The following HFM1 variants were observed in gnomAD, a reference collection of about 807,000 sequenced individuals.
The protein encoded by HFM1 is helicase for meiosis 1, also known as probable ATP-dependent DNA helicase HFM1.
Under a neutral mutation model 192.1 loss-of-function variants are expected in HFM1, and 169 were observed. The ratio of observed to expected loss-of-function variants is 0.88; its 90% confidence interval spans 0.78 to 1.00. The LOEUF (loss-of-function observed/expected upper bound fraction) is 1.00. Ranked by LOEUF, HFM1 falls within the 50% of genes least tolerant of loss-of-function variation. The pLI is 0.00. For synonymous variants in HFM1, 525 were observed against 537.8 expected (o/e 0.98, Z 0.33); for missense variants, 1,661 against 1,668.0 (o/e 1.00, Z 0.07).
At chr1:91,317,329 G>T (rs997250362) in intron 25 of HFM1, among the ~76,000 whole-genome samples, 1 of 152,132 alleles carries the variant, frequency 6.6e-6, no homozygotes, top group Non-Finnish European at 1.5e-5. Flanking sequence ...CAGGAGAATC[G>T]CTTGAACCCG....
intron 4 of HFM1, among the ~76,000 whole-genome samples, chr1:91,391,529 T>C (rs1349758257): frequency 2.6e-5 from 4 of 152,188 alleles, no homozygotes; most frequent in Non-Finnish European, 4.4e-5. Context: ...TAAATGGTGC[T>C]GGGAAAACTG....
chr1:91,343,545 T>C, intron 19 of HFM1, 35 bp from the exon 20 acceptor site: 2 of 842,990 alleles, frequency 2.4e-6, no homozygotes, highest in Non-Finnish European at 3.7e-6. Context: ...TTAATTTTAG[T>C]AAAATAGGGA....
Position 91,375,745 on chromosome 1 carries a change from A to T in HFM1, c.1396-18T>A, listed in dbSNP as rs904829907. The T allele has an allele frequency of 6.2e-7, 1 of 1,605,372 alleles. No homozygotes were observed. The highest frequency in any genetic ancestry group is 1.3e-5 in the African/African-American group (1 of 74,646). The stretch of plus-strand genomic sequence containing the variant: ...TCTGCAATCTTTGAAACACAAAAAT[A>T]TGTGCATTAAAATTTTCTTCTAGTA... On this transcript the variant is annotated intron_variant, in intron 11 of 38. Coordinates refer to ENST00000370425, the MANE Select transcript of HFM1 (RefSeq NM_001017975.6).
At chr1:91,315,005 C>T (rs186662602) in intron 28 of HFM1, among the ~76,000 whole-genome samples, 2 of 152,240 alleles carry the variant, frequency 1.3e-5, no homozygotes, top group African/African-American at 4.8e-5. Context: ...AGAATCACTG[C>T]CATTCCTGAA....
intron 18 of HFM1, among the ~76,000 whole-genome samples, chr1:91,349,220 G>T (rs546665073): frequency 6.6e-6 from 1 of 152,044 alleles, no homozygotes; most frequent in African/African-American, 2.4e-5. Context: ...CCTGTGAGGT[G>T]GAGATTGCAG....
chr1:91,352,935 A>G lies in HFM1; in HGVS notation c.1831+116T>C, dbSNP rs1657149152. 6.5e-5 allele frequency: 45 copies of G among 689,406 alleles called. No individual in the cohort carries two copies. The South Asian group carries it at 9.1e-4, about 14-fold the overall frequency. The allele number at this position is 689,406 out of a possible 1,614,324, so 42.7% of individuals were successfully genotyped here. On this transcript the variant is annotated intron_variant, in intron 15 of 38. Coordinates refer to ENST00000370425, the MANE Select transcript of HFM1 (RefSeq NM_001017975.6). ...CATGCATAGGTAACCACTTAATTTT[A>G]TATTCTCAGAAGAAAAGCAGAAACA...
chr1:91,400,731 G>A (rs1226614020), intron 2 of HFM1, among the ~76,000 whole-genome samples: 4 of 152,038 alleles, frequency 2.6e-5, no homozygotes, highest in African/African-American at 4.8e-5. Flanking sequence ...TGATTCACCC[G>A]CCTCAGCCTT....
At chr1:91,275,899 T>C (rs1051886307) in intron 32 of HFM1, among the ~76,000 whole-genome samples, 1 of 152,184 alleles carries the variant, frequency 6.6e-6, no homozygotes, top group Non-Finnish European at 1.5e-5. Context: ...AAATCTTTCA[T>C]TGGCTTCTCA....
upstream of HFM1, among the ~76,000 whole-genome samples, chr1:91,407,548 C>T (rs983906050): frequency 4.5e-4 from 68 of 152,300 alleles, no homozygotes; most frequent in African/African-American, 1.5e-3. Context: ...TTTCAATGTT[C>T]ATCCATGTTG....
chr1:91,385,220 C>A lies in HFM1; in HGVS notation c.769G>T (p.Gly257Cys), dbSNP rs142034233. The A allele has an allele frequency of 6.4e-6, 10 of 1,560,622 alleles. No individual in the cohort carries two copies. The African/African-American group carries it at 1.4e-4, about 21-fold the overall frequency. Residue 257 changes from glycine to cysteine, a missense_variant, in exon 6 of 39, where the codon GGT becomes TGT. Coordinates refer to ENST00000370425, the MANE Select transcript of HFM1 (RefSeq NM_001017975.6). ...GTGACAGCCTTCAAGGAACCTAAAC[C>A]ATTTTCTGTTACCTCTGAAAAAAAA... ...PHDIQEVTEN[G>C]LGSLKAVTEI... is the part of the protein sequence containing the mutation.
chr1:91,385,431 A>C (rs1275963288), intron 5 of HFM1, 144 bp downstream of exon 5: 7 of 749,260 alleles, frequency 9.3e-6, no homozygotes, highest in Admixed American at 2.9e-5. Context: ...ACAGCTTAGA[A>C]AATAATGCAA....
At position 91,343,500 on chromosome 1, in the gene HFM1, C is replaced by A; in HGVS notation, c.2265G>T (p.Leu755Phe). 1 of 1,362,630 alleles carries A rather than the reference C, an allele frequency of 7.3e-7. No individual in the cohort carries two copies. The highest frequency in any genetic ancestry group is 1.4e-5 in the South Asian group (1 of 70,092). 84.4% of individuals were successfully genotyped at this position (1,362,630 alleles called of 1,614,324 possible). ...GGGATGATAAATCATTCAGATTCTT[C>A]AAACATAATTCTGTTTAATTATAGA... ...GIEAKLQELCLKNLNDLSSLD... is the reference protein window; with the variant it reads ...GIEAKLQELCFKNLNDLSSLD... The change falls in exon 20 of 39, where the codon TTG becomes TTT. Residue 755 changes from leucine to phenylalanine, a missense_variant. By Grantham distance (22) the Leu-to-Phe change is conservative. Coordinates refer to ENST00000370425, the MANE Select transcript of HFM1 (RefSeq NM_001017975.6).
chr1:91,352,135 G>GA (rs2101734956), intron 16 of HFM1, among the ~76,000 whole-genome samples: 1 of 151,436 alleles, frequency 6.6e-6, no homozygotes, highest in African/African-American at 2.4e-5. Context: ...TTAGTGCTAG[G>GA]ACCTAGGGAT....
chr1:91,281,855 T>C (rs1350784964), intron 30 of HFM1, among the ~76,000 whole-genome samples: 1 of 152,202 alleles, frequency 6.6e-6, no homozygotes, highest in East Asian at 1.9e-4. Flanking sequence ...TTCTTCCAAG[T>C]AGCTGAGATT....
chr1:91,339,079 T>C (rs1266484441), intron 20 of HFM1: 2 of 453,180 alleles, frequency 4.4e-6, no homozygotes, highest in Non-Finnish European at 8.8e-6. Flanking sequence ...ACAGTAAATC[T>C]CAATGACATC....
chr1:91,397,186 C>A (rs1399951163), intron 2 of HFM1, among the ~76,000 whole-genome samples: 1 of 152,152 alleles, frequency 6.6e-6, no homozygotes, highest in Non-Finnish European at 1.5e-5. Flanking sequence ...ATGTCCTAAC[C>A]GAAATATTCT....
At chr1:91,273,857 G>A (rs281963) in intron 33 of HFM1, 42 bp from the exon 34 acceptor site, 1,093,225 of 1,093,516 alleles carry the variant, frequency 1, 546,467 homozygotes, top group East Asian at 1. Context: ...AGAAAATATG[G>A]AAATTAATCT....
At chr1:91,380,372 G>T (rs998215525) in intron 7 of HFM1, 136 bp from the exon 8 acceptor site, 17 of 534,192 alleles carry the variant, frequency 3.2e-5, no homozygotes, top group Non-Finnish European at 5.4e-5. Context: ...TATAAAAATT[G>T]TAACTTTGCT....
At chr1:91,290,280 A>C (rs911174833) in intron 30 of HFM1, among the ~76,000 whole-genome samples, 1 of 152,238 alleles carries the variant, frequency 6.6e-6, no homozygotes, top group African/African-American at 2.4e-5. Flanking sequence ...GTCAAGACCC[A>C]TCAGTGTGCT....
Sources: allele counts gnomAD v4.1 joint callset (sites outside exome capture counted in the v4.1 genomes callset), GRCh38; gene constraint gnomAD v4.1.1; transcripts MANE v1.5; gene names NCBI Gene and HGNC (gene_info 2026-07-23, HGNC 2026-07-21).